The following DDX54 variants were observed in gnomAD, a reference collection of about 807,000 sequenced individuals.
DDX54 encodes ATP-dependent RNA helicase DDX54.
DDX54 carries 67 observed loss-of-function variants against 105.5 expected under a neutral mutation model. That is an observed-to-expected ratio of 0.64 (90% CI 0.52 to 0.78). DDX54 has a LOEUF of 0.78. Ranked by LOEUF, DDX54 falls within the 30% of genes least tolerant of loss-of-function variation. The pLI is 0.00. For missense variants in DDX54, 1,206 were observed against 1,230.5 expected (o/e 0.98, Z 0.30); for synonymous variants, 514 against 509.9 (o/e 1.01, Z -0.11).
intron 17 of DDX54, among the ~76,000 whole-genome samples, chr12:113,162,358 TG>T (rs1434471041): frequency 2.6e-5 from 4 of 152,126 alleles, no homozygotes; most frequent in Non-Finnish European, 5.9e-5. Flanking sequence ...CCTGAACGAA[TG>T]GGTCCTGAGC....
At position 113,163,500 on chromosome 12, in the gene DDX54, G is replaced by C. The variant is rs573297725; in HGVS notation, c.1939-226C>G. ...ACCCCTGCCTCAGGGACCAGCAGAG[G>C]CAGGACAGCTGGGTGAGGAGGAGAG... is the stretch of plus-strand genomic sequence containing the variant. On this transcript the variant is annotated intron_variant, in intron 15 of 19. Transcript: ENST00000306014. The surrounding 1 kb of genome is among the most constrained non-coding windows in gnomAD (Gnocchi z 5.9). Among the ~76,000 whole-genome samples, 84 of 152,160 alleles carry C rather than the reference G, an allele frequency of 5.5e-4. No individual in the cohort carries two copies. Among genetic ancestry groups the C allele is most frequent in the Middle Eastern group, 3.2e-3 (1 of 316 alleles).
At position 113,181,074 on chromosome 12, in the gene DDX54, A is replaced by G; in HGVS notation, c.175-16T>C. Reference sequence around the variant, plus strand: ...CAGGTCCCAGCTGGGAGGGAAGGACAGAGAGGTGGTGTCACTCCAGGCACA... The same window carrying G: ...CAGGTCCCAGCTGGGAGGGAAGGACGGAGAGGTGGTGTCACTCCAGGCACA... On this transcript the variant is annotated splice_polypyrimidine_tract_variant and intron_variant, in intron 1 of 19. Coordinates refer to ENST00000306014, the MANE Select transcript of DDX54 (RefSeq NM_024072.4). 1 of 1,608,316 alleles carries G rather than the reference A, an allele frequency of 6.2e-7. No individual in the cohort carries two copies. The highest frequency in any genetic ancestry group is 8.5e-7 in the Non-Finnish European group (1 of 1,177,780).
At chr12:113,181,119 G>A in intron 1 of DDX54, 61 bp from the exon 2 acceptor site, 1 of 1,562,944 alleles carries the variant, frequency 6.4e-7, no homozygotes, top group Non-Finnish European at 8.6e-7. Context: ...CAGGGGGCAG[G>A]GAAGGGGCCT....
rs1007102366 is a variant in DDX54, at chr12:113,163,476, C to T, written c.1939-202G>A. 2.0e-5 allele frequency among the ~76,000 whole-genome samples: 3 copies of T among 152,198 alleles called. No homozygotes were observed. Among genetic ancestry groups the T allele is most frequent in the Non-Finnish European group, 4.4e-5 (3 of 68,034 alleles). On this transcript the variant is annotated intron_variant, in intron 15 of 19. Coordinates refer to ENST00000306014, the MANE Select transcript of DDX54 (RefSeq NM_024072.4). This position sits in a 1 kb window ranked among gnomAD's most constrained non-coding sequence, Gnocchi z 5.9. ...TTCCTCATCTGCACACACAGTGCAA[C>T]CCCTGCCTCAGGGACCAGCAGAGGC...
chr12:113,163,369 G>T lies in DDX54; in HGVS notation c.1939-95C>A. The T allele has an allele frequency of 3.3e-6, 5 of 1,499,760 alleles. No individual in the cohort carries two copies. The highest frequency in any genetic ancestry group is 4.4e-6 in the Non-Finnish European group (5 of 1,127,772). 92.9% of individuals were successfully genotyped at this position (1,499,760 alleles called of 1,614,324 possible). A position where few individuals can be genotyped will look rare whatever the true frequency, so the allele number is the denominator to read the frequency against. ...CCCACCAGCCTGGCCACAGTGAGGG[G>T]CCAGTGGCTTCTCGGGGACTTTCAA... On this transcript the variant is annotated intron_variant, in intron 15 of 19. Transcript: ENST00000306014. This position sits in a 1 kb window ranked among gnomAD's most constrained non-coding sequence, Gnocchi z 5.9.
Position 113,161,911 on chromosome 12 carries a change from C to G in DDX54, c.2282G>C (p.Ser761Thr), listed in dbSNP as rs771409745. The G allele has an allele frequency of 1.3e-5, 21 of 1,610,988 alleles. No homozygotes were observed. Among genetic ancestry groups the G allele is most frequent in the Non-Finnish European group, 1.8e-5 (21 of 1,179,120 alleles). Residue 761 changes from serine to threonine, a missense_variant, in exon 18 of 20, where the codon AGC (serine) becomes ACC (threonine). Ser to Thr is a moderately conservative substitution (Grantham distance 58). Coordinates refer to ENST00000306014, the MANE Select transcript of DDX54 (RefSeq NM_024072.4). The stretch of plus-strand genomic sequence containing the variant: ...AGGATACAGGTCTCGCTTGTAGGAG[C>G]TGCTGATGTAGCGGCCGCTCTCTGT... ...IKTESGRYIS[S>T]SYKRDLYQKW...
Position 113,174,860 on chromosome 12 carries a change from CA to C in DDX54, c.936+14del, listed in dbSNP as rs779179390. 57 of 1,614,014 alleles carry C rather than the reference CA, an allele frequency of 3.5e-5. No homozygotes were observed. Among genetic ancestry groups the C allele is most frequent in the Non-Finnish European group, 4.4e-5 (52 of 1,180,038 alleles). ...CTGGACACAACCTCCTGGGATGGGACAGGTGCAGCCTCACCTTCAGCTGCTC... is the reference window on the plus strand; with the variant it reads ...CTGGACACAACCTCCTGGGATGGGACGGTGCAGCCTCACCTTCAGCTGCTC... On this transcript the variant is annotated intron_variant, in intron 9 of 19. Transcript: ENST00000306014.
Position 113,165,789 on chromosome 12 carries a change from T to C in DDX54, c.1645+13A>G, listed in dbSNP as rs1316444020. 2 of 1,600,694 alleles carry C rather than the reference T, an allele frequency of 1.2e-6. No individual in the cohort carries two copies. Among genetic ancestry groups the C allele is most frequent in the East Asian group, 2.2e-5 (1 of 44,604 alleles). ...GGCCCACCTGCCACCCCCTGCCTTGTAGAAGGACTCACTGAAGAGGGGGTG... is the reference window on the plus strand; with the variant it reads ...GGCCCACCTGCCACCCCCTGCCTTGCAGAAGGACTCACTGAAGAGGGGGTG... On this transcript the variant is annotated intron_variant, in intron 13 of 19. Coordinates refer to ENST00000306014, the MANE Select transcript of DDX54 (RefSeq NM_024072.4).
intron 19 of DDX54, among the ~76,000 whole-genome samples, chr12:113,160,056 C>T (rs188242937): frequency 5.3e-5 from 8 of 152,340 alleles, no homozygotes; most frequent in Admixed American, 1.3e-4. Flanking sequence ...AGCCCCTGCA[C>T]GCCCACTGCA....
rs61756270 is a variant in DDX54, at chr12:113,181,020, C to T, written c.213G>A (p.Ser71=). 188 of 1,613,288 alleles carry T rather than the reference C, an allele frequency of 1.2e-4. No individual in the cohort carries two copies. In the African/African-American group the frequency reaches 1.9e-3, roughly 17 times the overall value. Residue 71 remains serine, a synonymous_variant, in exon 2 of 20, where the codon TCG becomes TCA. Transcript: ENST00000306014. ...PGRPLPTFPT[S]ECTSDVEPDT... ...CCGGCTCCACATCCGAGGTGCATTC[C>T]GAGGTGGGGAAGGTGGGCAGGGGTC...
At chr12:113,184,370 ACT>A (rs1320821667) in intron 1 of DDX54, among the ~76,000 whole-genome samples, 17 of 152,146 alleles carry the variant, frequency 1.1e-4, no homozygotes, top group African/African-American at 3.9e-4. Flanking sequence ...GCGTGTAGCC[ACT>A]ACACCAGGCC....
intron 1 of DDX54, among the ~76,000 whole-genome samples, chr12:113,184,651 C>A (rs1230335265): frequency 6.6e-6 from 1 of 151,930 alleles, no homozygotes; most frequent in African/African-American, 2.4e-5. Context: ...ATAGGGAGAC[C>A]CCCGTCTCTA....
chr12:113,166,711 C>CAAA lies in DDX54; in HGVS notation c.1415-682_1415-680dup, dbSNP rs201136992. ...AACAAGACTTTGTCTCTCTTAAAAA[C>CAAA]AAAAAAACAAAAACAAAAAACAAAC... is the stretch of plus-strand genomic sequence containing the variant. On this transcript the variant is annotated intron_variant, in intron 12 of 19. Coordinates refer to ENST00000306014, the MANE Select transcript of DDX54 (RefSeq NM_024072.4). 3.3e-5 allele frequency among the ~76,000 whole-genome samples: 5 copies of CAAA among 151,118 alleles called. No individual in the cohort carries two copies. In the South Asian group the frequency reaches 1.1e-3, roughly 32 times the overall value.
rs374054112 is a variant in DDX54 at position 113,179,981 on chromosome 12, C to T, written c.329G>A (p.Gly110Asp). The change falls in exon 3 of 20, where the codon GGC (glycine) becomes GAC (aspartate). Residue 110 changes from glycine to aspartate, a missense_variant. Gly to Asp is a moderately conservative substitution (Grantham distance 94). Around this residue, in one of 3 missense-constraint regions of DDX54, gnomAD observed 212 missense variants for 155.4 expected, o/e 1.36. Coordinates refer to ENST00000306014, the MANE Select transcript of DDX54 (RefSeq NM_024072.4). ...CACCTTGTACCCCTTCTTCATGATG[C>T]CTTTGAACACCGGGTAGCTCAGGCC... ...SMGLSYPVFK[G>D]IMKKGYKVPT... 11 of 1,614,088 alleles carry T rather than the reference C, an allele frequency of 6.8e-6. No homozygotes were observed. In the African/African-American group the frequency reaches 1.2e-4, roughly 18 times the overall value.
At chr12:113,168,263 A>G (rs886793888) in intron 12 of DDX54, among the ~76,000 whole-genome samples, 1 of 152,202 alleles carries the variant, frequency 6.6e-6, no homozygotes, top group Non-Finnish European at 1.5e-5. Context: ...GCCAAGAGTG[A>G]ACAGCCGAGG....
At chr12:113,175,747 C>A (rs919920012) in intron 7 of DDX54, among the ~76,000 whole-genome samples, 1 of 151,894 alleles carries the variant, frequency 6.6e-6, no homozygotes, top group Non-Finnish European at 1.5e-5. Flanking sequence ...CGACATCATG[C>A]CACTGAACTC....
Position 113,162,016 on chromosome 12 carries a change from G to T in DDX54, c.2196-19C>A. 1 of 1,610,894 alleles carries T rather than the reference G, an allele frequency of 6.2e-7. No individual in the cohort carries two copies. ...ACGGTCCCTGCAGGAGAGGGAGTTGGGACGGCTGCCGTGGAGGGAAACCCT... is the reference window on the plus strand; with the variant it reads ...ACGGTCCCTGCAGGAGAGGGAGTTGTGACGGCTGCCGTGGAGGGAAACCCT... On this transcript the variant is annotated intron_variant, in intron 17 of 19. Transcript: ENST00000306014.
chr12:113,172,357 G>A lies in DDX54; in HGVS notation c.1275C>T (p.Arg425=), dbSNP rs760445425. 38 of 1,613,608 alleles carry A rather than the reference G, an allele frequency of 2.4e-5. No homozygotes were observed. Among genetic ancestry groups the A allele is most frequent in the East Asian group, 1.8e-4 (8 of 44,884 alleles). The change falls in exon 11 of 20, where the codon CGC becomes CGT. Residue 425 remains arginine, a synonymous_variant. Coordinates refer to ENST00000306014, the MANE Select transcript of DDX54 (RefSeq NM_024072.4). ...FPAKGKLFLH[R]VGRVARAGRS... The stretch of plus-strand genomic sequence containing the variant: ...GGCCAGCCACGGGCTGCTTACCCAC[G>A]CGGTGCAGGAAGAGTTTGCCCTTGG...
rs555968513 is a variant in DDX54 at position 113,166,809 on chromosome 12, T to C, written c.1415-777A>G. ...AACCCTGTTCTATAGATAAGAAAAC[T>C]GAGGCTCAGCGAGGTTCAATTACTA... is the stretch of plus-strand genomic sequence containing the variant. On this transcript the variant is annotated intron_variant, in intron 12 of 19. Coordinates refer to ENST00000306014, the MANE Select transcript of DDX54 (RefSeq NM_024072.4). 1.4e-4 allele frequency among the ~76,000 whole-genome samples: 22 copies of C among 152,284 alleles called. No individual in the cohort carries two copies. The East Asian group carries it at 3.9e-3, about 27-fold the overall frequency.
Sources: gnomAD v4.1 joint callset for allele counts (sites outside exome capture counted in the v4.1 genomes callset) on GRCh38, gnomAD v4.1.1 for gene constraint, gnomAD v4.1.1 regional missense constraint, Gnocchi (gnomAD v3.1) non-coding constraint, MANE v1.5 for transcripts, NCBI Gene and HGNC (gene_info 2026-07-23, HGNC 2026-07-21) for gene names.